Variants in RFTN2 observed in about 807,000 individuals in gnomAD.
The protein encoded by RFTN2 is raftlin-2.
A neutral mutation model predicts 52.7 loss-of-function variants in RFTN2; 34 were observed. That is an observed-to-expected ratio of 0.64 (90% confidence interval 0.49 to 0.86). The LOEUF (loss-of-function observed/expected upper bound fraction) is 0.86. Ranked by LOEUF, RFTN2 falls within the 40% of genes least tolerant of loss-of-function variation. The probability of loss-of-function intolerance (pLI) is 0.00; values close to 1 mark genes in which losing one functional copy is unlikely to be tolerated. For synonymous variants in RFTN2, 203 were observed against 217.7 expected (o/e 0.93, Z 0.59); for missense variants, 536 against 600.1 (o/e 0.89, Z 1.12).
At chr2:197,658,452 G>T (rs1229716637) in intron 1 of RFTN2, among the ~76,000 whole-genome samples, 1 of 146,098 alleles carries the variant, frequency 6.8e-6, no homozygotes, top group African/African-American at 2.5e-5. Flanking sequence ...TTGTATTATT[G>T]TTTTTTTTTT....
intron 8 of RFTN2, among the ~76,000 whole-genome samples, chr2:197,583,307 C>G (rs1203152658): frequency 6.6e-6 from 1 of 152,174 alleles, no homozygotes; most frequent in Non-Finnish European, 1.5e-5. Context: ...ACTAAAATAC[C>G]TCTTGGTCTG....
At chr2:197,641,501 T>C (rs775848922) in intron 3 of RFTN2, among the ~76,000 whole-genome samples, 21 of 152,206 alleles carry the variant, frequency 1.4e-4, no homozygotes, top group Non-Finnish European at 3.1e-4. Context: ...GTTAGTTGAT[T>C]TGAGTGAAAA....
intron 1 of RFTN2, among the ~76,000 whole-genome samples, chr2:197,653,011 A>T (rs890504811): frequency 6.6e-6 from 1 of 152,222 alleles, no homozygotes; most frequent in African/African-American, 2.4e-5. Context: ...TGAGCAGACC[A>T]TCTCATTAGT....
At chr2:197,644,649 G>T (rs1476886990) in intron 2 of RFTN2, among the ~76,000 whole-genome samples, 1 of 151,982 alleles carries the variant, frequency 6.6e-6, no homozygotes, top group Admixed American at 6.6e-5. Flanking sequence ...CTTCTTTTCT[G>T]ATCTTTTTTC....
chr2:197,590,578 CCT>C (rs1667237841), intron 8 of RFTN2, among the ~76,000 whole-genome samples: 1 of 152,162 alleles, frequency 6.6e-6, no homozygotes, highest in South Asian at 2.1e-4. Flanking sequence ...ATCTCACTGA[CCT>C]CAAGAGTGAA....
chr2:197,645,830 G>C (rs2088739959), intron 2 of RFTN2, among the ~76,000 whole-genome samples: 1 of 152,144 alleles, frequency 6.6e-6, no homozygotes, highest in Non-Finnish European at 1.5e-5. Flanking sequence ...TTCGAGACCA[G>C]CCTGGTCAAC....
At chr2:197,618,515 G>A (rs2088189816) in intron 5 of RFTN2, among the ~76,000 whole-genome samples, 1 of 152,080 alleles carries the variant, frequency 6.6e-6, no homozygotes, top group African/African-American at 2.4e-5. Context: ...CACCCCGTCT[G>A]GGAAGTGAGG....
At chr2:197,620,220 G>A (rs1197285034) in intron 5 of RFTN2, among the ~76,000 whole-genome samples, 1 of 151,930 alleles carries the variant, frequency 6.6e-6, no homozygotes, top group Non-Finnish European at 1.5e-5. Flanking sequence ...GGGACAGGAA[G>A]ACCCTAAACA....
In RFTN2 at chr2:197,649,367, C is replaced by G. The variant is rs548769279; in HGVS notation, c.140-2701G>C. Among the ~76,000 whole-genome samples the G allele has an allele frequency of 5.3e-5, 8 of 152,174 alleles. No homozygotes were observed. The South Asian group carries it at 1.5e-3, about 28-fold the overall frequency. On this transcript the variant is annotated intron_variant, in intron 1 of 8. Coordinates refer to ENST00000295049, the MANE Select transcript of RFTN2 (RefSeq NM_144629.3). ...TTAATGATATTACAATGAGAAAAAG[C>G]CATGTTGCAAATGAAGAAAAAATAC... is the stretch of plus-strand genomic sequence containing the variant.
At chr2:197,621,934 T>G (rs936387214) in intron 5 of RFTN2, among the ~76,000 whole-genome samples, 1 of 152,180 alleles carries the variant, frequency 6.6e-6, no homozygotes, top group Non-Finnish European at 1.5e-5. Context: ...GGAAAAGTTC[T>G]TGAAGGAAAA....
At chr2:197,606,865 C>T (rs1429822699) in intron 7 of RFTN2, among the ~76,000 whole-genome samples, 8 of 151,990 alleles carry the variant, frequency 5.3e-5, no homozygotes, top group Non-Finnish European at 4.4e-5. Context: ...AATAGGAACA[C>T]TTTTACACTG....
intron 1 of RFTN2, among the ~76,000 whole-genome samples, chr2:197,659,741 A>G (rs978916230): frequency 6.6e-6 from 1 of 151,768 alleles, no homozygotes; most frequent in Admixed American, 6.6e-5. Context: ...TGCTTGAACC[A>G]GGGAGGCAGA....
chr2:197,663,364 T>C (rs1212332209), intron 1 of RFTN2, among the ~76,000 whole-genome samples: 1 of 152,250 alleles, frequency 6.6e-6, no homozygotes, highest in East Asian at 1.9e-4. Flanking sequence ...TTCAAGTTTT[T>C]GAAATGGCTT....
chr2:197,616,841 T>C (rs551163093), intron 6 of RFTN2, among the ~76,000 whole-genome samples: 1 of 152,346 alleles, frequency 6.6e-6, no homozygotes, highest in East Asian at 1.9e-4. Flanking sequence ...ATGGGTTTTC[T>C]AGTTTCTTTG....
chr2:197,638,543 C>T (rs939312827), intron 3 of RFTN2, among the ~76,000 whole-genome samples: 1 of 78,690 alleles, frequency 1.3e-5, no homozygotes, highest in Non-Finnish European at 2.5e-5. Flanking sequence ...TCTGTTTTAT[C>T]AGAGACTAGG....
At position 197,599,230 on chromosome 2, in the gene RFTN2, C is replaced by T. The variant is rs558555643; in HGVS notation, c.1155-3161G>A. Among the ~76,000 whole-genome samples the T allele has an allele frequency of 6.6e-5, 10 of 152,242 alleles. No individual in the cohort carries two copies. The South Asian group carries it at 1.5e-3, about 22-fold the overall frequency. On this transcript the variant is annotated intron_variant, in intron 7 of 8. Transcript: ENST00000295049. Reference sequence around the variant, plus strand: ...CTGGGATTACAAGCGTGAGCCACCGCGCCCAGCCTTACCATATTCTTCTAA... The same window carrying T: ...CTGGGATTACAAGCGTGAGCCACCGTGCCCAGCCTTACCATATTCTTCTAA...
intron 8 of RFTN2, among the ~76,000 whole-genome samples, chr2:197,588,458 C>T (rs969493970): frequency 1.3e-5 from 2 of 152,344 alleles, no homozygotes; most frequent in Admixed American, 6.5e-5. Flanking sequence ...CATGGCCAGC[C>T]GCCTTCCTTG....
At chr2:197,599,400 G>A (rs747484251) in intron 7 of RFTN2, among the ~76,000 whole-genome samples, 1 of 152,310 alleles carries the variant, frequency 6.6e-6, no homozygotes, top group Non-Finnish European at 1.5e-5. Context: ...AATTTGGAAT[G>A]TGGGCGAGGA....
intron 1 of RFTN2, among the ~76,000 whole-genome samples, chr2:197,663,600 C>T (rs774081800): frequency 5.3e-5 from 8 of 152,066 alleles, no homozygotes; most frequent in East Asian, 1.9e-4. Flanking sequence ...CTAGGTTTTA[C>T]GGTTTGTTAG....
Sources: gnomAD v4.1 joint callset for allele counts (sites outside exome capture counted in the v4.1 genomes callset) on GRCh38, gnomAD v4.1.1 for gene constraint, MANE v1.5 for transcripts, NCBI Gene and HGNC (gene_info 2026-07-23, HGNC 2026-07-21) for gene names.